FAM171A1: variants seen among roughly 807,000 people sequenced by gnomAD.
The protein encoded by FAM171A1 is protein FAM171A1.
In FAM171A1, 23 loss-of-function variants were observed where a neutral mutation model predicts 74.9. That is an observed-to-expected ratio of 0.31 (90% CI 0.22 to 0.44). FAM171A1 has a LOEUF of 0.44. FAM171A1 is among the 20% of genes least tolerant of loss of function. The pLI, the probability that FAM171A1 is intolerant of heterozygous loss-of-function variation, is 1.00. For missense variants in FAM171A1, 1,162 were observed against 1,159.2 expected (o/e 1.00, Z -0.03); for synonymous variants, 527 against 505.7 (o/e 1.04, Z -0.57).
intron 5 of FAM171A1, among the ~76,000 whole-genome samples, chr10:15,246,155 C>G (rs79869720): frequency 6.6e-6 from 1 of 151,986 alleles, no homozygotes; most frequent in Non-Finnish European, 1.5e-5. Context: ...GATATGTGAA[C>G]AGATTATCAG....
intron 1 of FAM171A1, among the ~76,000 whole-genome samples, chr10:15,369,199 T>TTATATATATATTCAATATATATA (rs1564293859): frequency 8.1e-5 from 12 of 147,518 alleles, no homozygotes; most frequent in African/African-American, 3.0e-4. Flanking sequence ...CCTAAACCTG[T>TTATATATATATTCAATATATATA]TATATATATA....
intron 1 of FAM171A1, among the ~76,000 whole-genome samples, chr10:15,361,722 T>C (rs1388000211): frequency 6.6e-6 from 1 of 152,176 alleles, no homozygotes; most frequent in African/African-American, 2.4e-5. Flanking sequence ...ACTCACTTTA[T>C]GGATTGGGGA....
chr10:15,238,222 T>C (rs188057379), intron 5 of FAM171A1, among the ~76,000 whole-genome samples: 303 of 152,318 alleles, frequency 2.0e-3, no homozygotes, highest in Middle Eastern at 0.01. Flanking sequence ...GCTTGTGATA[T>C]ATAGAGACAA....
At chr10:15,331,827 GTGTGTATATATATGTGTGTATAT>G (rs1835636446) in intron 1 of FAM171A1, among the ~76,000 whole-genome samples, 9 of 98,286 alleles carry the variant, frequency 9.2e-5, no homozygotes, top group African/African-American at 2.7e-4. Flanking sequence ...GTATATATAT[GTGTGTATATATATGTGTGTATAT>G]ATATGTGTGT....
At chr10:15,261,058 T>C (rs1004178025) in intron 3 of FAM171A1, among the ~76,000 whole-genome samples, 1 of 152,250 alleles carries the variant, frequency 6.6e-6, no homozygotes, top group Admixed American at 6.5e-5. Flanking sequence ...TCTCTCTTTG[T>C]CTCTTTCTGT....
intron 5 of FAM171A1, 81 bp from the exon 6 acceptor site, chr10:15,221,141 T>C: frequency 8.7e-7 from 1 of 1,154,402 alleles, no homozygotes; most frequent in East Asian, 2.4e-5. Flanking sequence ...AAAGTCATCT[T>C]AAATATCTTA....
chr10:15,321,204 G>A (rs1237758074), intron 1 of FAM171A1, among the ~76,000 whole-genome samples: 1 of 152,202 alleles, frequency 6.6e-6, no homozygotes, highest in Non-Finnish European at 1.5e-5. Flanking sequence ...AAATAAGAGA[G>A]AAGATGGTGC....
chr10:15,284,575 A>G (rs547710136), intron 1 of FAM171A1, among the ~76,000 whole-genome samples: 83 of 152,240 alleles, frequency 5.5e-4, no homozygotes, highest in Non-Finnish European at 8.7e-4. Flanking sequence ...GGTGTGTGCC[A>G]CCACACTGAG....
chr10:15,312,673 G>GTTTGTTTTTTTT (rs1564274246), intron 1 of FAM171A1, among the ~76,000 whole-genome samples: 6 of 36,386 alleles, frequency 1.6e-4, no homozygotes, highest in South Asian at 1.6e-3. Flanking sequence ...AGCACTGTGT[G>GTTTGTTTTTTTT]TTTTTTTTTT....
At chr10:15,370,775 G>A (rs1295872536) in intron 1 of FAM171A1, among the ~76,000 whole-genome samples, 181 bp downstream of exon 1, 2 of 122,616 alleles carry the variant, frequency 1.6e-5, no homozygotes, top group Non-Finnish European at 3.3e-5. Context: ...CCGCGTCGCC[G>A]GCCCGCGCCG....
chr10:15,264,033 C>T (rs1017217534), intron 3 of FAM171A1, among the ~76,000 whole-genome samples: 3 of 152,118 alleles, frequency 2.0e-5, no homozygotes, highest in African/African-American at 7.2e-5. Context: ...GGCTGGGGTA[C>T]ACTGGCACAA....
intron 2 of FAM171A1, among the ~76,000 whole-genome samples, chr10:15,283,054 A>C (rs1259627863): frequency 6.6e-6 from 1 of 152,232 alleles, no homozygotes. Context: ...TTAGCTTATA[A>C]TCAATGACTG....
rs1192611079 is a variant in FAM171A1, at chr10:15,258,303, C to T, written c.419-3424G>A. Among the ~76,000 whole-genome samples the T allele has an allele frequency of 4.7e-5, 7 of 147,946 alleles. No individual in the cohort carries two copies. The East Asian group carries it at 9.8e-4, about 21-fold the overall frequency. On this transcript the variant is annotated intron_variant, in intron 3 of 7. Transcript: ENST00000378116. ...CTCGATCTCCTGACCTCAGGTGATC[C>T]GCCTGCCTCAGCCTCCCAACTCTCT...
intron 3 of FAM171A1, among the ~76,000 whole-genome samples, chr10:15,259,204 A>G (rs1463977770): frequency 6.6e-6 from 1 of 152,098 alleles, no homozygotes; most frequent in Non-Finnish European, 1.5e-5. Context: ...AGACTGGCCA[A>G]TCTTCCCTTA....
intron 1 of FAM171A1, among the ~76,000 whole-genome samples, chr10:15,361,870 G>A (rs1204141627): frequency 6.6e-6 from 1 of 152,148 alleles, no homozygotes; most frequent in Non-Finnish European, 1.5e-5. Context: ...AAATAAAAAT[G>A]TTCATCTGAC....
rs760274224 is a variant in FAM171A1 at position 15,283,991 on chromosome 10, T to A, written c.212A>T (p.Asp71Val). The change falls in exon 2 of 8, where the codon GAT (aspartate) becomes GTT (valine). Residue 71 changes from aspartate (D) to valine (V), a missense_variant. Coordinates refer to ENST00000378116, the MANE Select transcript of FAM171A1 (RefSeq NM_001010924.2). Reference sequence around the variant, plus strand: ...CTGGAACTTGATAAAGGCGACGCCATCAGTCCCCGAGGTGCCAGAGGCTAT... The same window carrying A: ...CTGGAACTTGATAAAGGCGACGCCAACAGTCCCCGAGGTGCCAGAGGCTAT... Reference protein sequence around the residue: ...ASIASGTSGTDGVAFIKFQYK... With the variant: ...ASIASGTSGTVGVAFIKFQYK... 4.3e-6 allele frequency: 7 copies of A among 1,614,204 alleles called. No individual in the cohort carries two copies. In the Admixed American group the frequency reaches 1.2e-4, roughly 27 times the overall value.
intron 1 of FAM171A1, among the ~76,000 whole-genome samples, chr10:15,353,490 G>C (rs189534526): frequency 6.6e-6 from 1 of 151,850 alleles, no homozygotes; most frequent in Non-Finnish European, 1.5e-5. Context: ...CTAAATAGAC[G>C]TATGGCTCTA....
intron 2 of FAM171A1, among the ~76,000 whole-genome samples, chr10:15,281,451 T>A (rs905887857): frequency 5.3e-5 from 8 of 152,186 alleles, no homozygotes; most frequent in African/African-American, 1.9e-4. Context: ...AAAGTGCTGA[T>A]GGGCCGATAT....
chr10:15,370,707 C>G (rs985310275), intron 1 of FAM171A1, among the ~76,000 whole-genome samples: 3 of 151,250 alleles, frequency 2.0e-5, no homozygotes, highest in Non-Finnish European at 4.4e-5. Context: ...GAGCTGCCCG[C>G]GCCCCCGCCC....
Sources: allele counts gnomAD v4.1 joint callset (sites outside exome capture counted in the v4.1 genomes callset), GRCh38; gene constraint gnomAD v4.1.1; transcripts MANE v1.5; gene names NCBI Gene and HGNC (gene_info 2026-07-23, HGNC 2026-07-21).